The following HORMAD2 variants were observed in gnomAD, a reference collection of about 807,000 sequenced individuals.
The protein encoded by HORMAD2 is HORMA domain-containing protein 2.
A neutral mutation model predicts 38.8 loss-of-function variants in HORMAD2; 45 were observed. That is an observed-to-expected ratio of 1.16 (90% CI 0.91 to 1.49). The LOEUF is 1.49. Among genes scored for constraint, HORMAD2 ranks in the 40% most tolerant of loss-of-function variants. The pLI is 0.00. For synonymous variants in HORMAD2, 126 were observed against 122.8 expected (o/e 1.03, Z -0.17); for missense variants, 338 against 367.0 (o/e 0.92, Z 0.65).
At chr22:30,111,968 TA>T (rs751258766) in intron 6 of HORMAD2, among the ~76,000 whole-genome samples, 152 bp downstream of exon 6, 1 of 152,080 alleles carries the variant, frequency 6.6e-6, no homozygotes, top group Non-Finnish European at 1.5e-5. Context: ...ATCAGAAGTT[TA>T]ATAAAAGATT....
At chr22:30,184,428 A>G in the HORMAD2 span, among the ~76,000 whole-genome samples, 7 of 152,188 alleles carry the variant, frequency 4.6e-5, no homozygotes, top group Non-Finnish European at 1.0e-4. Context: ...TCACTCACTG[A>G]TGGAGTTTTA....
intron 10 of HORMAD2, among the ~76,000 whole-genome samples, chr22:30,128,779 A>G (rs535528839): frequency 6.6e-6 from 1 of 152,338 alleles, no homozygotes; most frequent in Admixed American, 6.5e-5. Context: ...GTGCAGATAT[A>G]CACGTGTGTT....
chr22:30,100,073 A>T (rs1198680315), intron 3 of HORMAD2, among the ~76,000 whole-genome samples: 2 of 151,920 alleles, frequency 1.3e-5, no homozygotes, highest in Non-Finnish European at 2.9e-5. Context: ...TCACAGAATT[A>T]GAAGAAACTA....
At chr22:30,170,135 GC>G (rs920087078) in intron 10 of HORMAD2, among the ~76,000 whole-genome samples, 2 of 152,120 alleles carry the variant, frequency 1.3e-5, no homozygotes, top group Non-Finnish European at 2.9e-5. Context: ...TCTGGAAACT[GC>G]CAAATCCAAA....
intron 10 of HORMAD2, among the ~76,000 whole-genome samples, chr22:30,130,625 C>CT (rs1749946661): frequency 7.9e-6 from 1 of 126,848 alleles, no homozygotes; most frequent in Non-Finnish European, 1.6e-5. Context: ...GGGTCTCACT[C>CT]TGTCACCCAG....
chr22:30,207,143 C>A, the HORMAD2 span: 3 of 467,530 alleles, frequency 6.4e-6, no homozygotes, highest in Non-Finnish European at 1.3e-5. Context: ...ATGTGGCTCA[C>A]TGTGCTCCCG....
At chr22:30,186,841 G>T in the HORMAD2 span, among the ~76,000 whole-genome samples, 1 of 150,218 alleles carries the variant, frequency 6.7e-6, no homozygotes, top group East Asian at 2.0e-4. Context: ...AATTGCGATA[G>T]TATAACCTGT....
intron 1 of HORMAD2, among the ~76,000 whole-genome samples, chr22:30,093,063 G>A (rs776039473): frequency 6.6e-6 from 1 of 152,108 alleles, no homozygotes; most frequent in African/African-American, 2.4e-5. Flanking sequence ...ATTTGAATCT[G>A]TAGATTGTTT....
chr22:30,193,240 G>A, the HORMAD2 span, among the ~76,000 whole-genome samples: 1 of 152,100 alleles, frequency 6.6e-6, no homozygotes, highest in Non-Finnish European at 1.5e-5. Flanking sequence ...AATGCACTTG[G>A]CAAAAGAAGG....
chr22:30,205,784 G>T, the HORMAD2 span, among the ~76,000 whole-genome samples: 2 of 152,176 alleles, frequency 1.3e-5, no homozygotes, highest in African/African-American at 4.8e-5. Context: ...AAAAGCCGCT[G>T]CCCGTTCTGT....
chr22:30,137,981 C>T (rs1923786887), intron 10 of HORMAD2, among the ~76,000 whole-genome samples: 1 of 152,078 alleles, frequency 6.6e-6, no homozygotes, highest in Admixed American at 6.6e-5. Flanking sequence ...TGGAGAACTC[C>T]AAAATTCTTC....
chr22:30,183,633 G>A, the HORMAD2 span, among the ~76,000 whole-genome samples: 9 of 152,302 alleles, frequency 5.9e-5, no homozygotes, highest in Admixed American at 2.0e-4. Context: ...ACTTGATGAA[G>A]GTCACACAGT....
At chr22:30,203,057 C>A in the HORMAD2 span, among the ~76,000 whole-genome samples, 1 of 152,138 alleles carries the variant, frequency 6.6e-6, no homozygotes, top group Non-Finnish European at 1.5e-5. Flanking sequence ...AAAAAGGAAC[C>A]CCCTGTATGC....
At chr22:30,197,495 C>T in the HORMAD2 span, among the ~76,000 whole-genome samples, 1 of 152,182 alleles carries the variant, frequency 6.6e-6, no homozygotes, top group Admixed American at 6.5e-5. Flanking sequence ...GGCTCCCCCA[C>T]ATCTCACACC....
chr22:30,204,577 G>A, the HORMAD2 span, among the ~76,000 whole-genome samples: 1 of 152,184 alleles, frequency 6.6e-6, no homozygotes, highest in Non-Finnish European at 1.5e-5. Flanking sequence ...CCTTTCATGT[G>A]GTTGCTGGTC....
intron 10 of HORMAD2, among the ~76,000 whole-genome samples, chr22:30,157,612 A>C (rs1235196868): frequency 1.3e-5 from 2 of 152,102 alleles, no homozygotes; most frequent in African/African-American, 4.8e-5. Flanking sequence ...GCTTGTATGC[A>C]TTTCAGTTTT....
chr22:30,101,406 G>A (rs1920943524), intron 3 of HORMAD2, among the ~76,000 whole-genome samples: 1 of 151,886 alleles, frequency 6.6e-6, no homozygotes, highest in Non-Finnish European at 1.5e-5. Flanking sequence ...GAAACAGGAA[G>A]GGGAACATCA....
chr22:30,176,394 C>T lies in HORMAD2; in HGVS notation c.*227C>T. 1 of 431,934 alleles carries T rather than the reference C, an allele frequency of 2.3e-6. No individual in the cohort carries two copies. Among genetic ancestry groups the T allele is most frequent in the East Asian group, 3.8e-5 (1 of 26,582 alleles). The allele number at this position is 431,934 out of a possible 1,614,324, so 26.8% of individuals were successfully genotyped here. A position where few individuals can be genotyped will look rare whatever the true frequency, so the allele number is the denominator to read the frequency against. On this transcript the variant is annotated 3_prime_UTR_variant, in exon 11 of 11. Coordinates refer to ENST00000336726, the MANE Select transcript of HORMAD2 (RefSeq NM_152510.4). ...ATAGGGCTGCCTCTGGATAGCATTACTTCAAAGCTGGGTTAGAGATGAGGC... is the reference window on the plus strand; with the variant it reads ...ATAGGGCTGCCTCTGGATAGCATTATTTCAAAGCTGGGTTAGAGATGAGGC...
At chr22:30,078,886 G>C (rs2068422430), upstream of HORMAD2, among the ~76,000 whole-genome samples, 4 of 152,032 alleles carry the variant, frequency 2.6e-5, no homozygotes, top group South Asian at 8.3e-4. Context: ...TGTGTGGTTG[G>C]AGCTTAAAAA....
Sources: gnomAD v4.1 joint callset for allele counts (sites outside exome capture counted in the v4.1 genomes callset) on GRCh38, gnomAD v4.1.1 for gene constraint, MANE v1.5 for transcripts, NCBI Gene and HGNC (gene_info 2026-07-23, HGNC 2026-07-21) for gene names.